ANKS1B: variants seen among roughly 807,000 people sequenced by gnomAD.
ANKS1B encodes the protein ankyrin repeat and sterile alpha motif domain containing 1B.
A neutral mutation model predicts 148.3 loss-of-function variants in ANKS1B; 36 were observed. The observed-to-expected ratio is 0.24, with a 90% confidence interval of 0.19 to 0.32. The LOEUF (loss-of-function observed/expected upper bound fraction) is 0.32, where lower values mean the gene tolerates loss of function less well. ANKS1B is among the 10% of genes least tolerant of loss of function. The pLI is 1.00. For synonymous variants in ANKS1B, 542 were observed against 560.8 expected (o/e 0.97, Z 0.47); for missense variants, 1,157 against 1,542.6 (o/e 0.75, Z 4.19).
intron 12 of ANKS1B, among the ~76,000 whole-genome samples, chr12:99,366,846 TA>T (rs1402529796): frequency 1.3e-5 from 2 of 151,408 alleles, no homozygotes; most frequent in Non-Finnish European, 2.9e-5. Flanking sequence ...TTCAACTACT[TA>T]AAAAAAAGAA....
At chr12:99,652,133 TAAAC>T (rs1289447435) in intron 9 of ANKS1B, among the ~76,000 whole-genome samples, 2 of 151,556 alleles carry the variant, frequency 1.3e-5, no homozygotes, top group Admixed American at 6.6e-5. Context: ...GGATAGCCCT[TAAAC>T]AATAATATTC....
intron 9 of ANKS1B, among the ~76,000 whole-genome samples, chr12:99,532,611 C>T (rs193036711): frequency 7.0e-4 from 106 of 152,262 alleles, no homozygotes; most frequent in African/African-American, 2.4e-3. Context: ...CCACCCACCT[C>T]GGCCTCCCAA....
chr12:99,874,962 T>C (rs2091919357), intron 1 of ANKS1B, among the ~76,000 whole-genome samples: 1 of 152,220 alleles, frequency 6.6e-6, no homozygotes, highest in African/African-American at 2.4e-5. Flanking sequence ...AAAGGTGAGA[T>C]ACATTCCTGC....
intron 16 of ANKS1B, among the ~76,000 whole-genome samples, chr12:99,066,678 G>A (rs2044453698): frequency 6.6e-6 from 1 of 152,182 alleles, no homozygotes; most frequent in Non-Finnish European, 1.5e-5. Context: ...AGAGGCTGTG[G>A]AAGTAATTCA....
chr12:99,358,384 C>T (rs2152418935), intron 12 of ANKS1B, among the ~76,000 whole-genome samples: 1 of 152,118 alleles, frequency 6.6e-6, no homozygotes, highest in Admixed American at 6.6e-5. Context: ...TTGTATAATT[C>T]ATTCTTCCCA....
At chr12:99,289,060 T>C (rs1261930599) in intron 12 of ANKS1B, among the ~76,000 whole-genome samples, 1 of 151,366 alleles carries the variant, frequency 6.6e-6, no homozygotes, top group Non-Finnish European at 1.5e-5. Flanking sequence ...AGACTGAAAA[T>C]GAAAAGATAT....
intron 12 of ANKS1B, among the ~76,000 whole-genome samples, chr12:99,318,347 G>A (rs781108585): frequency 6.6e-6 from 1 of 152,222 alleles, no homozygotes; most frequent in Non-Finnish European, 1.5e-5. Context: ...TTCAAAGCCT[G>A]TAATTGGTCT....
intron 9 of ANKS1B, among the ~76,000 whole-genome samples, chr12:99,646,989 GAA>G: frequency 7.4e-6 from 1 of 136,018 alleles, no homozygotes; most frequent in African/African-American, 2.7e-5. Context: ...TATAGAAACA[GAA>G]AAAAAAAAAT....
intron 17 of ANKS1B, chr12:98,894,824 T>C (rs1378577681): frequency 1.0e-6 from 1 of 982,714 alleles, no homozygotes; most frequent in Non-Finnish European, 1.2e-6. Context: ...GGCGCGGAGC[T>C]TGGCCGCGCC....
At chr12:99,483,984 T>C (rs116232985) in intron 10 of ANKS1B, among the ~76,000 whole-genome samples, 216 of 152,088 alleles carry the variant, frequency 1.4e-3, no homozygotes, top group African/African-American at 4.7e-3. Context: ...ATTTATTTGT[T>C]TGAATTTCAT....
At chr12:99,134,692 CA>C (rs1210645245) in intron 15 of ANKS1B, among the ~76,000 whole-genome samples, 6 of 121,454 alleles carry the variant, frequency 4.9e-5, no homozygotes, top group African/African-American at 1.5e-4. Flanking sequence ...CACACACACA[CA>C]CACACACCAG....
chr12:99,540,728 G>A (rs2097116900), intron 9 of ANKS1B, among the ~76,000 whole-genome samples: 1 of 151,746 alleles, frequency 6.6e-6, no homozygotes, highest in Non-Finnish European at 1.5e-5. Context: ...ATAACCTTTA[G>A]TATTAAGAAA....
intron 4 of ANKS1B, among the ~76,000 whole-genome samples, chr12:99,796,593 C>T (rs2066283091): frequency 6.6e-6 from 1 of 151,680 alleles, no homozygotes; most frequent in Non-Finnish European, 1.5e-5. Flanking sequence ...CAGATACATC[C>T]ATGTTGTGTG....
intron 14 of ANKS1B, among the ~76,000 whole-genome samples, chr12:99,214,898 G>T (rs543866292): frequency 9.2e-5 from 14 of 152,284 alleles, no homozygotes; most frequent in African/African-American, 3.4e-4. Context: ...ATTAGGAACT[G>T]GAGCAAAGGT....
intron 1 of ANKS1B, among the ~76,000 whole-genome samples, chr12:99,909,980 T>C (rs1441904145): frequency 6.6e-6 from 1 of 152,210 alleles, no homozygotes; most frequent in Non-Finnish European, 1.5e-5. Flanking sequence ...TAGAGCTGAA[T>C]TTGTTCATAT....
chr12:99,154,687 A>G, intron 14 of ANKS1B: 1 of 1,436,962 alleles, frequency 7.0e-7, no homozygotes, highest in Non-Finnish European at 9.1e-7. Flanking sequence ...ACCAGGCAGC[A>G]GAAGAAGGCA....
intron 12 of ANKS1B, among the ~76,000 whole-genome samples, chr12:99,336,172 GA>G (rs747158506): frequency 1.3e-5 from 2 of 152,016 alleles, no homozygotes; most frequent in Non-Finnish European, 2.9e-5. Flanking sequence ...GTCTTCTATT[GA>G]GAGATGTCTA....
chr12:99,417,056 T>C (rs1299600297), intron 11 of ANKS1B, among the ~76,000 whole-genome samples: 4 of 152,220 alleles, frequency 2.6e-5, no homozygotes, highest in African/African-American at 4.8e-5. Context: ...AGCTCATTTA[T>C]ATTTGGGAGG....
At chr12:98,782,169 A>G in intron 22 of ANKS1B, 32 bp from the exon 23 acceptor site, 2 of 1,576,164 alleles carry the variant, frequency 1.3e-6, no homozygotes, top group South Asian at 1.2e-5. Context: ...ACAGATGGGA[A>G]CATAATAGGA....
Sources: allele counts gnomAD v4.1 joint callset (sites outside exome capture counted in the v4.1 genomes callset), GRCh38; gene constraint gnomAD v4.1.1; transcripts MANE v1.5; gene names NCBI Gene and HGNC (gene_info 2026-07-23, HGNC 2026-07-21).